The following PLEKHH2 variants were observed in gnomAD, a reference collection of about 807,000 sequenced individuals.
PLEKHH2 encodes pleckstrin homology domain-containing family H member 2.
Under a neutral mutation model 187.9 loss-of-function variants are expected in PLEKHH2, and 129 were observed. The observed-to-expected ratio is 0.69, with a 90% CI of 0.59 to 0.79. The LOEUF (loss-of-function observed/expected upper bound fraction) is 0.79, where lower values mean the gene tolerates loss of function less well. PLEKHH2 is among the 30% of genes least tolerant of loss of function. The probability of loss-of-function intolerance (pLI) is 0.00; values close to 1 mark genes in which losing one functional copy is unlikely to be tolerated. For missense variants in PLEKHH2, 2,076 were observed against 1,751.2 expected, an observed-to-expected ratio of 1.19 and a Z score of -3.31; for synonymous variants, 686 against 605.6, an observed-to-expected ratio of 1.13 and a Z score of -1.95.
In PLEKHH2 at chr2:43,710,114, T is replaced by C. The variant is rs143265441; in HGVS notation, c.2091T>C (p.Asp697=). The C allele has an allele frequency of 1.9e-4, 303 of 1,612,594 alleles. No homozygotes were observed. In the African/African-American group the frequency reaches 3.6e-3, roughly 19 times the overall value. Reference sequence around the variant, plus strand: ...CAAAAACTTGCTCATCTTCCAGTGATAATGGGAAAAATGTAAATATTGAAT... The same window carrying C: ...CAAAAACTTGCTCATCTTCCAGTGACAATGGGAAAAATGTAAATATTGAAT... ...KLPKTCSSSS[D]NGKNEPLEKS... is the part of the protein sequence containing the mutation. Residue 697 remains aspartate (D), a synonymous_variant, in exon 12 of 30, where the codon GAT becomes GAC. Transcript: ENST00000282406.
chr2:43,756,826 G>A (rs1672230461), intron 25 of PLEKHH2, among the ~76,000 whole-genome samples: 1 of 152,094 alleles, frequency 6.6e-6, no homozygotes, highest in Non-Finnish European at 1.5e-5. Context: ...GTATATGCCT[G>A]TAGTCCCAGC....
chr2:43,700,712 G>A (rs1669322094), intron 8 of PLEKHH2, 104 bp downstream of exon 8: 2 of 1,406,004 alleles, frequency 1.4e-6, no homozygotes, highest in Admixed American at 2.2e-5. Context: ...GAGTGCAGTG[G>A]CGCGATCTTG....
chr2:43,642,855 T>A (rs971618187), intron 1 of PLEKHH2, among the ~76,000 whole-genome samples: 2 of 152,152 alleles, frequency 1.3e-5, no homozygotes, highest in African/African-American at 2.4e-5. Context: ...TTATTTTACA[T>A]GTAGAGCAAA....
At chr2:43,706,892 A>G (rs949547530) in intron 10 of PLEKHH2, among the ~76,000 whole-genome samples, 1 of 152,040 alleles carries the variant, frequency 6.6e-6, no homozygotes, top group Non-Finnish European at 1.5e-5. Flanking sequence ...TACATTCCCA[A>G]ATTCCTTTTA....
At chr2:43,669,053 C>T (rs190187005) in intron 2 of PLEKHH2, among the ~76,000 whole-genome samples, 18 of 152,176 alleles carry the variant, frequency 1.2e-4, no homozygotes, top group East Asian at 3.9e-4. Flanking sequence ...AGGAATAGTC[C>T]GTTACTTAAA....
At chr2:43,671,297 C>T (rs773504234) in intron 2 of PLEKHH2, among the ~76,000 whole-genome samples, 1 of 152,122 alleles carries the variant, frequency 6.6e-6, no homozygotes, top group South Asian at 2.1e-4. Flanking sequence ...ATTTATTGCT[C>T]TTATATAGAA....
chr2:43,740,752 G>C, intron 20 of PLEKHH2, 194 bp from the exon 21 acceptor site: 1 of 1,016,960 alleles, frequency 9.8e-7, no homozygotes, highest in Non-Finnish European at 1.3e-6. Context: ...ACAACTAGAT[G>C]GATCATAGAT....
At chr2:43,738,662 C>T in intron 20 of PLEKHH2, 142 bp downstream of exon 20, 3 of 779,068 alleles carry the variant, frequency 3.9e-6, no homozygotes, top group Non-Finnish European at 5.8e-6. Flanking sequence ...TTGATGTCTA[C>T]CTTTTTGGTT....
intron 2 of PLEKHH2, among the ~76,000 whole-genome samples, chr2:43,676,967 T>G (rs1325708220): frequency 6.6e-6 from 1 of 152,210 alleles, no homozygotes; most frequent in African/African-American, 2.4e-5. Context: ...TCCTCTTAGA[T>G]TTATTTTCTT....
chr2:43,654,711 C>G (rs529197426), intron 2 of PLEKHH2, among the ~76,000 whole-genome samples: 17 of 143,386 alleles, frequency 1.2e-4, no homozygotes, highest in South Asian at 4.8e-4. Context: ...GACACCCCCC[C>G]CCCCCGCATC....
At chr2:43,751,494 C>T (rs1280446187) in intron 24 of PLEKHH2, among the ~76,000 whole-genome samples, 4 of 152,192 alleles carry the variant, frequency 2.6e-5, no homozygotes, top group African/African-American at 4.8e-5. Context: ...GCAAAAGGAT[C>T]GCCCAGTGGT....
At chr2:43,736,709 C>A (rs1168664109) in intron 19 of PLEKHH2, among the ~76,000 whole-genome samples, 1 of 152,088 alleles carries the variant, frequency 6.6e-6, no homozygotes, top group Non-Finnish European at 1.5e-5. Context: ...TGGTTGGTGC[C>A]TGTAATCTCA....
At chr2:43,675,666 C>G (rs1209905840) in intron 2 of PLEKHH2, 3 of 1,613,844 alleles carry the variant, frequency 1.9e-6, no homozygotes, top group African/African-American at 2.7e-5. Flanking sequence ...ATATTGCCAG[C>G]TGCTTATCTT....
chr2:43,672,484 G>A (rs1174536066), intron 2 of PLEKHH2, among the ~76,000 whole-genome samples: 2 of 152,020 alleles, frequency 1.3e-5, no homozygotes, highest in Non-Finnish European at 2.9e-5. Flanking sequence ...TCCAGCTTAT[G>A]CCCTCACTTC....
intron 2 of PLEKHH2, chr2:43,676,294 A>T: frequency 6.2e-7 from 1 of 1,611,958 alleles, no homozygotes; most frequent in Non-Finnish European, 8.5e-7. Context: ...CATACCCTTA[A>T]AAAATGATGT....
Position 43,743,985 on chromosome 2 carries a change from T to A in PLEKHH2, c.3551T>A (p.Ile1184Asn). 6.2e-7 allele frequency: 1 copy of A among 1,613,252 alleles called. No homozygotes were observed. The highest frequency in any genetic ancestry group is 8.5e-7 in the Non-Finnish European group (1 of 1,179,434). The change falls in exon 23 of 30, where the codon ATC (isoleucine) becomes AAC (asparagine). Residue 1184 changes from isoleucine (I) to asparagine (N), a missense_variant. By Grantham distance (149) the Ile-to-Asn change is moderately radical. Transcript: ENST00000282406. Reference protein sequence around the residue: ...RDLEHCLQGNIKICDIISKWE... With the variant: ...RDLEHCLQGNNKICDIISKWE... ...TTAGAGCATTGTCTTCAAGGAAACA[T>A]CAAGGTGAAACCAAGTCCTTTTCAG...
intron 28 of PLEKHH2, among the ~76,000 whole-genome samples, chr2:43,762,896 T>A (rs1672482912): frequency 6.6e-6 from 1 of 152,218 alleles, no homozygotes; most frequent in Admixed American, 6.5e-5. Context: ...TTACATTTTT[T>A]ATCATATTTC....
intron 16 of PLEKHH2, among the ~76,000 whole-genome samples, chr2:43,723,661 C>T (rs1198386832): frequency 6.6e-6 from 1 of 152,198 alleles, no homozygotes; most frequent in Non-Finnish European, 1.5e-5. Flanking sequence ...GAACACCCTT[C>T]TTGCACCTGC....
chr2:43,650,521 C>T (rs1316903717), intron 2 of PLEKHH2, among the ~76,000 whole-genome samples: 3 of 152,134 alleles, frequency 2.0e-5, no homozygotes, highest in Admixed American at 1.3e-4. Flanking sequence ...AAAGTAAAAA[C>T]TTACATGAAT....
Sources: gnomAD v4.1 joint callset for allele counts (sites outside exome capture counted in the v4.1 genomes callset) on GRCh38, gnomAD v4.1.1 for gene constraint, MANE v1.5 for transcripts, NCBI Gene and HGNC (gene_info 2026-07-23, HGNC 2026-07-21) for gene names.